XRN1: variants seen among roughly 807,000 people sequenced by gnomAD.
XRN1 encodes 5'-3' exoribonuclease 1, also known as strand-exchange protein 1 homolog.
XRN1 carries 67 observed loss-of-function variants against 222.3 expected under a neutral mutation model. The observed-to-expected ratio is 0.30, with a 90% CI of 0.25 to 0.37. The LOEUF (loss-of-function observed/expected upper bound fraction) is 0.37. XRN1 is among the 10% of genes least tolerant of loss of function. The pLI is 1.00. For missense variants in XRN1, 1,707 were observed against 2,000.2 expected (o/e 0.85, Z 2.80); for synonymous variants, 643 against 652.4 (o/e 0.99, Z 0.22).
In XRN1 at chr3:142,421,051, C is replaced by G; in HGVS notation, c.1138G>C (p.Glu380Gln). 1 of 1,614,038 alleles carries G rather than the reference C, an allele frequency of 6.2e-7. No homozygotes were observed. Among genetic ancestry groups the G allele is most frequent in the Non-Finnish European group, 8.5e-7 (1 of 1,179,972 alleles). The change falls in exon 10 of 41, where the codon GAA (glutamate) becomes CAA (glutamine). Residue 380 changes from glutamate (E) to glutamine (Q), a missense_variant. Transcript: ENST00000392981. ...TTCTTTTCCTTGTAGTTCCTGGCTT[C>G]TTCTGCTGCGACACCTGCTGCTTCA... Reference protein sequence around the residue: ...LNEAAGVAAEEARNYKEKKKL... With the variant: ...LNEAAGVAAEQARNYKEKKKL...
chr3:142,336,605 TAG>T (rs1222390248), intron 33 of XRN1, among the ~76,000 whole-genome samples: 3 of 133,592 alleles, frequency 2.2e-5, no homozygotes, highest in East Asian at 2.2e-4. Flanking sequence ...AGAGAAGGAA[TAG>T]AGAGAGAGGA....
At position 142,403,914 on chromosome 3, in the gene XRN1, T is replaced by G. The variant is rs769182425; in HGVS notation, c.1959A>C (p.Ala653=). 1.2e-6 allele frequency: 2 copies of G among 1,612,972 alleles called. No individual in the cohort carries two copies. Among genetic ancestry groups the G allele is most frequent in the Non-Finnish European group, 1.7e-6 (2 of 1,179,236 alleles). Reference sequence around the variant, plus strand: ...GAGTAGGAAATCCACAGAAATATAATGCTTTCTGGTCAATTCTGGTTATTT... The same window carrying G: ...GAGTAGGAAATCCACAGAAATATAAGGCTTTCTGGTCAATTCTGGTTATTT... ...KNKITRIDQK[A]LYFCGFPTLK... is the part of the protein sequence containing the mutation. The change falls in exon 17 of 41, where the codon GCA becomes GCC. Residue 653 remains alanine (A), a synonymous_variant. Transcript: ENST00000392981.
chr3:142,314,334 T>C (rs2065149814), intron 39 of XRN1, among the ~76,000 whole-genome samples: 1 of 151,972 alleles, frequency 6.6e-6, no homozygotes, highest in African/African-American at 2.4e-5. Context: ...CTAATCAACA[T>C]GAAAAAGGTT....
chr3:142,313,485 G>C (rs554865670), intron 39 of XRN1, among the ~76,000 whole-genome samples: 24 of 152,232 alleles, frequency 1.6e-4, no homozygotes, highest in African/African-American at 5.8e-4. Context: ...TAGAGCATTT[G>C]AAAACTACAT....
chr3:142,380,015 C>G (rs929670388), intron 23 of XRN1, 67 bp downstream of exon 23: 24 of 1,294,600 alleles, frequency 1.9e-5, no homozygotes, highest in Non-Finnish European at 2.4e-5. Context: ...AAGGAGGTGG[C>G]AAAAATATCC....
intron 33 of XRN1, among the ~76,000 whole-genome samples, chr3:142,338,812 T>C (rs1475623654): frequency 6.6e-6 from 1 of 152,142 alleles, no homozygotes; most frequent in Non-Finnish European, 1.5e-5. Flanking sequence ...AGCCTAGCAG[T>C]ACTCCCCATG....
chr3:142,334,302 C>T (rs555953124), intron 34 of XRN1, among the ~76,000 whole-genome samples: 125 of 152,004 alleles, frequency 8.2e-4, no homozygotes, highest in African/African-American at 2.8e-3. Context: ...TAATGGGTTC[C>T]ATTTACTACC....
At chr3:142,390,529 C>T (rs2067675990) in intron 20 of XRN1, among the ~76,000 whole-genome samples, 1 of 152,188 alleles carries the variant, frequency 6.6e-6, no homozygotes, top group African/African-American at 2.4e-5. Flanking sequence ...CCTCTCTCAG[C>T]CTTTATAGAA....
At chr3:142,415,531 A>G (rs1276775437) in intron 13 of XRN1, among the ~76,000 whole-genome samples, 1 of 152,194 alleles carries the variant, frequency 6.6e-6, no homozygotes, top group East Asian at 1.9e-4. Flanking sequence ...AGTTGTGAAG[A>G]TTATGTGAGA....
Position 142,329,063 on chromosome 3 carries a change from TTTTTG to T in XRN1, c.4404+366_4404+370del, listed in dbSNP as rs886827516. ...ATGACCCATTACAACTGGCCAATTT[TTTTTG>T]TTTTAATTTCAAACACAGTAAATAT... On this transcript the variant is annotated intron_variant, in intron 37 of 40. Coordinates refer to ENST00000392981, the MANE Select transcript of XRN1 (RefSeq NM_001282857.2). Among the ~76,000 whole-genome samples the T allele has an allele frequency of 4.6e-4, 70 of 152,024 alleles. 1 individual carries two copies. The highest frequency in any genetic ancestry group is 1.6e-3 in the African/African-American group (66 of 41,492).
chr3:142,360,533 G>A (rs1398273234), intron 29 of XRN1, among the ~76,000 whole-genome samples: 1 of 151,778 alleles, frequency 6.6e-6, no homozygotes, highest in Non-Finnish European at 1.5e-5. Flanking sequence ...AGTGAAAACT[G>A]CTGAGTCTTA....
chr3:142,353,780 G>A (rs554255453), intron 32 of XRN1, among the ~76,000 whole-genome samples: 1 of 152,244 alleles, frequency 6.6e-6, no homozygotes, highest in African/African-American at 2.4e-5. Context: ...AAGAATGTAT[G>A]ACTAAGTCCT....
At chr3:142,321,229 C>A (rs1037706603) in intron 37 of XRN1, among the ~76,000 whole-genome samples, 1 of 149,374 alleles carries the variant, frequency 6.7e-6, no homozygotes, top group African/African-American at 2.5e-5. Context: ...AAGCAATTCT[C>A]CTGCCTCAGG....
intron 39 of XRN1, among the ~76,000 whole-genome samples, chr3:142,317,269 T>G (rs906812692): frequency 6.6e-6 from 1 of 152,168 alleles, no homozygotes; most frequent in African/African-American, 2.4e-5. Context: ...ACTTACCTCC[T>G]TTCCTTCATC....
At chr3:142,404,357 A>G (rs1415181645) in intron 16 of XRN1, among the ~76,000 whole-genome samples, 3 of 152,218 alleles carry the variant, frequency 2.0e-5, no homozygotes, top group African/African-American at 7.2e-5. Context: ...CCTTTAACAA[A>G]AGGAAAAGTT....
At position 142,308,303 on chromosome 3, in the gene XRN1, C is replaced by T. The variant is rs956626042; in HGVS notation, c.*3208G>A. On this transcript the variant is annotated 3_prime_UTR_variant, in exon 41 of 41. Coordinates refer to ENST00000392981, the MANE Select transcript of XRN1 (RefSeq NM_001282857.2). ...CTTCCATCTGCCTCCCTCTCTCTGC[C>T]TCCTCTCATTAAAACCAAGAATCTA... is the stretch of plus-strand genomic sequence containing the variant. The T allele has an allele frequency of 1.3e-5, 2 of 152,122 alleles. No homozygotes were observed. The highest frequency in any genetic ancestry group is 4.8e-5 in the African/African-American group (2 of 41,422). 9.4% of individuals were successfully genotyped at this position (152,122 alleles called of 1,614,324 possible). A position where few individuals can be genotyped will look rare whatever the true frequency, so the allele number is the denominator to read the frequency against.
intron 33 of XRN1, among the ~76,000 whole-genome samples, chr3:142,345,597 T>C (rs2066123406): frequency 6.6e-6 from 1 of 151,928 alleles, no homozygotes; most frequent in Non-Finnish European, 1.5e-5. Flanking sequence ...CAATAGAGTA[T>C]AAAGAAAGTT....
At chr3:142,361,363 C>T (rs556663531) in intron 29 of XRN1, among the ~76,000 whole-genome samples, 1 of 152,266 alleles carries the variant, frequency 6.6e-6, no homozygotes, top group East Asian at 1.9e-4. Flanking sequence ...ATGAACAAGG[C>T]TTTATGTGGA....
At chr3:142,321,578 A>G (rs2065357940) in intron 37 of XRN1, among the ~76,000 whole-genome samples, 1 of 152,180 alleles carries the variant, frequency 6.6e-6, no homozygotes, top group African/African-American at 2.4e-5. Flanking sequence ...AGATCATAAC[A>G]ATATTAAGTT....
Sources: allele counts gnomAD v4.1 joint callset (sites outside exome capture counted in the v4.1 genomes callset), GRCh38; gene constraint gnomAD v4.1.1; transcripts MANE v1.5; gene names NCBI Gene and HGNC (gene_info 2026-07-23, HGNC 2026-07-21).